CAMSAP1: variants seen among roughly 807,000 people sequenced by gnomAD.
The protein encoded by CAMSAP1 is calmodulin-regulated spectrin-associated protein 1.
In CAMSAP1, 58 loss-of-function variants were observed where a neutral mutation model predicts 143.5. The ratio of observed to expected loss-of-function variants is 0.40; its 90% CI spans 0.33 to 0.50. The LOEUF is 0.50. Among genes scored for constraint, CAMSAP1 ranks in the 20% least tolerant of loss-of-function variants. CAMSAP1 has a pLI of 0.45. For missense variants in CAMSAP1, 1,969 were observed against 2,115.7 expected (o/e 0.93, Z 1.36); for synonymous variants, 945 against 859.3 (o/e 1.10, Z -1.74).
chr9:135,830,346 G>T (rs1835818023), intron 7 of CAMSAP1, among the ~76,000 whole-genome samples: 1 of 152,154 alleles, frequency 6.6e-6, no homozygotes, highest in African/African-American at 2.4e-5. Flanking sequence ...GAACACACAG[G>T]CTGAAAGTGA....
chr9:135,827,252 C>G (rs917148722), intron 8 of CAMSAP1, among the ~76,000 whole-genome samples, 155 bp downstream of exon 8: 2 of 152,234 alleles, frequency 1.3e-5, no homozygotes, highest in Admixed American at 1.3e-4. Flanking sequence ...GAAAGGGGAC[C>G]GAATGGCCAG....
Position 135,862,464 on chromosome 9 carries a change from C to T in CAMSAP1, c.808+3G>A. 6.4e-7 allele frequency: 1 copy of T among 1,551,310 alleles called. No individual in the cohort carries two copies. The highest frequency in any genetic ancestry group is 8.7e-7 in the Non-Finnish European group (1 of 1,146,878). Reference sequence around the variant, plus strand: ...CTGTTTCAGGGAAGCATTCTCCACTCACCATCCAGTTTCATCTGCTCTGGG... The same window carrying T: ...CTGTTTCAGGGAAGCATTCTCCACTTACCATCCAGTTTCATCTGCTCTGGG... On this transcript the variant is annotated splice_donor_region_variant and intron_variant, in intron 5 of 16. Transcript: ENST00000389532.
chr9:135,901,861 C>T (rs1338390352), intron 1 of CAMSAP1, among the ~76,000 whole-genome samples: 2 of 152,210 alleles, frequency 1.3e-5, no homozygotes, highest in Admixed American at 1.3e-4. Flanking sequence ...AAACTAATCA[C>T]TTACTATTTC....
chr9:135,875,287 G>T (rs1837702824), intron 3 of CAMSAP1, among the ~76,000 whole-genome samples: 1 of 150,466 alleles, frequency 6.6e-6, no homozygotes, highest in Non-Finnish European at 1.5e-5. Context: ...TCAGCTCACT[G>T]CAACCTCTGC....
intron 1 of CAMSAP1, among the ~76,000 whole-genome samples, chr9:135,897,230 T>C (rs1048913856): frequency 4.6e-5 from 7 of 151,968 alleles, no homozygotes; most frequent in African/African-American, 1.5e-4. Flanking sequence ...TTACAGCTCA[T>C]TGTAATCTCA....
At chr9:135,886,061 T>TAA (rs35789822) in intron 1 of CAMSAP1, among the ~76,000 whole-genome samples, 5 of 145,934 alleles carry the variant, frequency 3.4e-5, no homozygotes, top group African/African-American at 1.0e-4. Context: ...AATACCTACT[T>TAA]AAAAAAAAAA....
intron 7 of CAMSAP1, among the ~76,000 whole-genome samples, chr9:135,837,635 C>T (rs914181656): frequency 5.3e-5 from 8 of 150,348 alleles, no homozygotes; most frequent in African/African-American, 2.0e-4. Context: ...CACGTCATCA[C>T]GCACTTTCTA....
In CAMSAP1 at chr9:135,838,625, C is replaced by T. The variant is rs13298249; in HGVS notation, c.1046-11041G>A. Among the ~76,000 whole-genome samples, 44 of 148,058 alleles carry T rather than the reference C, an allele frequency of 3.0e-4. No homozygotes were observed. The South Asian group carries it at 3.3e-3, about 11-fold the overall frequency. ...CCCGTTCTACAGACACACATCATCA[C>T]GCACTTTCCACCCGTTCTACAGACA... On this transcript the variant is annotated intron_variant, in intron 7 of 16. Coordinates refer to ENST00000389532, the MANE Select transcript of CAMSAP1 (RefSeq NM_015447.4).
rs1457779854 is a variant in CAMSAP1 at position 135,900,789 on chromosome 9, CTG to C, written c.160+6209_160+6210del. 2.0e-5 allele frequency among the ~76,000 whole-genome samples: 3 copies of C among 152,062 alleles called. No homozygotes were observed. The East Asian group carries it at 5.8e-4, about 30-fold the overall frequency. On this transcript the variant is annotated intron_variant, in intron 1 of 16. Transcript: ENST00000389532. ...CTTTTCTTTGAGACAGGGTTTCACT[CTG>C]TTGCCCAGGCTGGAGTGCAGTGGCG...
At chr9:135,833,241 C>T in intron 7 of CAMSAP1, among the ~76,000 whole-genome samples, 1 of 152,046 alleles carries the variant, frequency 6.6e-6, no homozygotes, top group Admixed American at 6.5e-5. Context: ...GCCACTACGC[C>T]CGGCTAATTT....
chr9:135,818,679 G>A lies in CAMSAP1; in HGVS notation c.3960-63C>T, dbSNP rs1835331012. 3.2e-6 allele frequency: 5 copies of A among 1,549,994 alleles called. No individual in the cohort carries two copies. Among genetic ancestry groups the A allele is most frequent in the African/African-American group, 1.4e-5 (1 of 73,580 alleles). On this transcript the variant is annotated intron_variant, in intron 12 of 16. Transcript: ENST00000389532. This position sits in a 1 kb window ranked among gnomAD's most constrained non-coding sequence, Gnocchi z 7.7. ...GGGCTTCTTCCACGACGCCTGCGCC[G>A]CGGCGCTCTGTCCAGGCGCGTTTCT...
At chr9:135,819,672 TAAAAAAAAAAAA>T (rs55894826) in intron 11 of CAMSAP1, among the ~76,000 whole-genome samples, 2 of 104,632 alleles carry the variant, frequency 1.9e-5, no homozygotes, top group South Asian at 3.4e-4. Flanking sequence ...TGTCTCCACT[TAAAAAAAAAAAA>T]AAAAAAAAAA....
chr9:135,878,957 G>A (rs1837842104), intron 3 of CAMSAP1, among the ~76,000 whole-genome samples: 2 of 152,134 alleles, frequency 1.3e-5, no homozygotes, highest in Admixed American at 6.5e-5. Flanking sequence ...ACTAAACCAA[G>A]TATTAACTCC....
intron 3 of CAMSAP1, among the ~76,000 whole-genome samples, chr9:135,868,926 A>G (rs1837478138): frequency 6.6e-6 from 1 of 152,038 alleles, no homozygotes; most frequent in African/African-American, 2.4e-5. Flanking sequence ...AAGATTGGCA[A>G]TATCAATGAA....
chr9:135,848,606 C>T (rs1023881626), intron 7 of CAMSAP1, among the ~76,000 whole-genome samples: 1 of 152,166 alleles, frequency 6.6e-6, no homozygotes, highest in African/African-American at 2.4e-5. Flanking sequence ...TCCAGCCTGT[C>T]CATGTGATTC....
At chr9:135,855,913 G>A (rs561115142) in intron 5 of CAMSAP1, among the ~76,000 whole-genome samples, 31 of 152,124 alleles carry the variant, frequency 2.0e-4, no homozygotes, top group Middle Eastern at 3.4e-3. Flanking sequence ...TTAGCCGGGC[G>A]CGGTGGCGGG....
At chr9:135,855,342 T>C (rs549195387) in intron 5 of CAMSAP1, among the ~76,000 whole-genome samples, 1 of 152,322 alleles carries the variant, frequency 6.6e-6, no homozygotes, top group East Asian at 1.9e-4. Context: ...TTTCTGTTCC[T>C]CTGTTAGTTT....
At chr9:135,812,302 G>A (rs1835078932) in intron 16 of CAMSAP1, among the ~76,000 whole-genome samples, 1 of 152,156 alleles carries the variant, frequency 6.6e-6, no homozygotes, top group African/African-American at 2.4e-5. Context: ...AACAGCATGG[G>A]GTCGGAGCAT....
intron 5 of CAMSAP1, among the ~76,000 whole-genome samples, chr9:135,856,380 G>A (rs1435968521): frequency 6.6e-6 from 1 of 152,168 alleles, no homozygotes; most frequent in Non-Finnish European, 1.5e-5. Context: ...CAGTATGGGG[G>A]AAACTGCCCC....
Sources: gnomAD v4.1 joint callset for allele counts (sites outside exome capture counted in the v4.1 genomes callset) on GRCh38, gnomAD v4.1.1 for gene constraint, Gnocchi (gnomAD v3.1) non-coding constraint, MANE v1.5 for transcripts, NCBI Gene and HGNC (gene_info 2026-07-23, HGNC 2026-07-21) for gene names.